Variants in SCLT1 observed in about 807,000 individuals in gnomAD.
SCLT1 encodes the protein sodium channel-associated protein 1.
A neutral mutation model predicts 112.8 loss-of-function variants in SCLT1; 78 were observed. The observed-to-expected ratio is 0.69, with a 90% CI of 0.58 to 0.83. SCLT1 has a LOEUF of 0.83. Ranked by LOEUF, SCLT1 falls within the 40% of genes least tolerant of loss-of-function variation. SCLT1 has a pLI of 0.00. For synonymous variants in SCLT1, 257 were observed against 254.7 expected (o/e 1.01, Z -0.09); for missense variants, 747 against 770.4 (o/e 0.97, Z 0.36).
chr4:129,039,076 T>C lies in SCLT1; in HGVS notation c.255A>G (p.Lys85=), dbSNP rs746982148. The C allele has an allele frequency of 4.4e-6, 7 of 1,598,132 alleles. 1 individual carries two copies. The highest frequency in any genetic ancestry group is 4.5e-5 in the East Asian group (2 of 44,686). ...CCTTGATGACATTTTCAAGTTGTAA[T>C]TTCATCTCACCCACCTGTTTCTGAA... The part of the protein sequence containing the change: ...KYYQKQVGEM[K]LQLENVIKEN... Residue 85 remains lysine (K), a synonymous_variant, in exon 5 of 21, where the codon AAA becomes AAG. Coordinates refer to ENST00000281142, the MANE Select transcript of SCLT1 (RefSeq NM_144643.4).
At chr4:129,076,143 C>A (rs1157116893) in intron 2 of SCLT1, among the ~76,000 whole-genome samples, 1 of 152,120 alleles carries the variant, frequency 6.6e-6, no homozygotes, top group Non-Finnish European at 1.5e-5. Flanking sequence ...TTATTTCATT[C>A]ATTCCTTCAC....
intron 2 of SCLT1, among the ~76,000 whole-genome samples, chr4:129,060,647 T>C (rs546028778): frequency 5.7e-4 from 87 of 152,266 alleles, no homozygotes; most frequent in African/African-American, 2.0e-3. Flanking sequence ...TAGAAGTTTG[T>C]GGCAGTGGTG....
intron 2 of SCLT1, among the ~76,000 whole-genome samples, chr4:129,056,694 AACTTT>A (rs1749426483): frequency 6.6e-6 from 1 of 152,180 alleles, no homozygotes; most frequent in Admixed American, 6.6e-5. Flanking sequence ...TGTATTCTGC[AACTTT>A]ACTTAATTTG....
chr4:129,063,097 T>C (rs1750136988), intron 2 of SCLT1, among the ~76,000 whole-genome samples: 2 of 152,266 alleles, frequency 1.3e-5, no homozygotes, highest in South Asian at 2.1e-4. Flanking sequence ...CTTGTCTGAC[T>C]GGGTAATTTC....
intron 2 of SCLT1, among the ~76,000 whole-genome samples, chr4:129,057,989 T>G (rs999372404): frequency 3.9e-5 from 6 of 152,172 alleles, no homozygotes; most frequent in African/African-American, 1.4e-4. Context: ...CATCAGGTGA[T>G]CCACCCACTT....
At chr4:129,009,721 C>T (rs1046136294) in intron 5 of SCLT1, among the ~76,000 whole-genome samples, 1 of 151,982 alleles carries the variant, frequency 6.6e-6, no homozygotes, top group Admixed American at 6.6e-5. Flanking sequence ...TTAAGTTGAG[C>T]TTTTTTTCAT....
chr4:128,900,994 G>C (rs1014769158), intron 18 of SCLT1, among the ~76,000 whole-genome samples: 3 of 152,088 alleles, frequency 2.0e-5, no homozygotes, highest in Admixed American at 6.5e-5. Flanking sequence ...ACACCCGTTA[G>C]AATGGCAATC....
chr4:129,034,163 A>G (rs1385599577), intron 5 of SCLT1, among the ~76,000 whole-genome samples: 1 of 152,172 alleles, frequency 6.6e-6, no homozygotes, highest in African/African-American at 2.4e-5. Context: ...CTAGCACTGA[A>G]AAATAATGGC....
At chr4:129,067,997 C>T (rs1205893783) in intron 2 of SCLT1, among the ~76,000 whole-genome samples, 1 of 152,036 alleles carries the variant, frequency 6.6e-6, no homozygotes, top group Non-Finnish European at 1.5e-5. Flanking sequence ...TCCTTGCCAC[C>T]CTTTCCACCT....
chr4:128,918,159 A>G (rs1735611788), intron 18 of SCLT1, among the ~76,000 whole-genome samples: 1 of 152,156 alleles, frequency 6.6e-6, no homozygotes, highest in South Asian at 2.1e-4. Context: ...TTACAACAAA[A>G]ATTTTCAATG....
intron 18 of SCLT1, among the ~76,000 whole-genome samples, chr4:128,930,034 C>A (rs1316105763): frequency 6.6e-6 from 1 of 152,016 alleles, no homozygotes; most frequent in Non-Finnish European, 1.5e-5. Flanking sequence ...TAAAATATGT[C>A]CAGAAATTCT....
intron 9 of SCLT1, among the ~76,000 whole-genome samples, chr4:128,988,763 A>G (rs751114521): frequency 3.3e-5 from 5 of 151,956 alleles, no homozygotes; most frequent in Non-Finnish European, 5.9e-5. Context: ...ACACCCAAAG[A>G]CTGAAAATAC....
At chr4:128,892,561 G>A (rs1477243001) in intron 18 of SCLT1, among the ~76,000 whole-genome samples, 1 of 152,094 alleles carries the variant, frequency 6.6e-6, no homozygotes, top group African/African-American at 2.4e-5. Flanking sequence ...AACTTGGTAA[G>A]CCTCTCAAGT....
chr4:128,906,245 T>A (rs771143016), intron 18 of SCLT1, among the ~76,000 whole-genome samples: 1 of 152,208 alleles, frequency 6.6e-6, no homozygotes, highest in Non-Finnish European at 1.5e-5. Context: ...TCGCCCAGGC[T>A]GGAGTGCAGT....
At chr4:128,926,607 T>C (rs1242581488) in intron 18 of SCLT1, among the ~76,000 whole-genome samples, 1 of 152,148 alleles carries the variant, frequency 6.6e-6, no homozygotes, top group Non-Finnish European at 1.5e-5. Context: ...ATGGAATGTA[T>C]GAGAATAGTA....
intron 18 of SCLT1, among the ~76,000 whole-genome samples, chr4:128,928,700 T>A (rs1225363316): frequency 6.6e-6 from 1 of 151,980 alleles, no homozygotes; most frequent in Non-Finnish European, 1.5e-5. Context: ...GGCGTGGTGG[T>A]GCATGCCTGT....
chr4:129,006,029 G>C (rs1743977820), intron 5 of SCLT1, among the ~76,000 whole-genome samples: 1 of 102,216 alleles, frequency 9.8e-6, no homozygotes, highest in Non-Finnish European at 1.9e-5. Flanking sequence ...GGTGGGGGGA[G>C]GGGGGAGGGA....
intron 2 of SCLT1, among the ~76,000 whole-genome samples, chr4:129,078,060 G>A (rs142041100): frequency 1.3e-5 from 2 of 152,304 alleles, no homozygotes; most frequent in Non-Finnish European, 2.9e-5. Context: ...GGCAGTAACA[G>A]TATGTTACCA....
At chr4:128,965,159 C>T (rs1560901971) in intron 11 of SCLT1, 68 bp downstream of exon 11, 1 of 783,958 alleles carries the variant, frequency 1.3e-6, no homozygotes, top group African/African-American at 1.7e-5. Flanking sequence ...AAATATCACA[C>T]ACTGAAACTC....
Sources: gnomAD v4.1 joint callset for allele counts (sites outside exome capture counted in the v4.1 genomes callset) on GRCh38, gnomAD v4.1.1 for gene constraint, MANE v1.5 for transcripts, NCBI Gene and HGNC (gene_info 2026-07-23, HGNC 2026-07-21) for gene names.